CHN2: variants seen among roughly 807,000 people sequenced by gnomAD.
CHN2 encodes beta-chimaerin.
In CHN2, 35 loss-of-function variants were observed where a neutral mutation model predicts 56.3. The ratio of observed to expected loss-of-function variants is 0.62; its 90% confidence interval spans 0.47 to 0.82. The LOEUF (loss-of-function observed/expected upper bound fraction) is 0.82, where lower values mean the gene tolerates loss of function less well. Ranked by LOEUF, CHN2 falls within the 40% of genes least tolerant of loss-of-function variation. The probability of loss-of-function intolerance (pLI) is 0.00; values close to 1 mark genes in which losing one functional copy is unlikely to be tolerated. For missense variants in CHN2, 491 were observed against 580.5 expected (o/e 0.85, Z 1.58); for synonymous variants, 210 against 212.8 (o/e 0.99, Z 0.12).
At chr7:29,388,497 C>T (rs1585232130) in intron 3 of CHN2, among the ~76,000 whole-genome samples, 1 of 2,968 alleles carries the variant, frequency 3.4e-4, no homozygotes, top group Non-Finnish European at 2.1e-3. Flanking sequence ...TATTCATTTA[C>T]TCTTACAACA....
intron 11 of CHN2, among the ~76,000 whole-genome samples, chr7:29,508,229 C>T (rs1489704380): frequency 6.6e-6 from 1 of 151,388 alleles, no homozygotes; most frequent in East Asian, 1.9e-4. Flanking sequence ...CAGTGTTTGG[C>T]ACTTGGGCCC....
intron 2 of CHN2, among the ~76,000 whole-genome samples, chr7:29,362,248 A>G (rs1798792366): frequency 6.6e-6 from 1 of 152,196 alleles, no homozygotes; most frequent in Admixed American, 6.5e-5. Context: ...AATCAAGGCA[A>G]TGAATCTTCA....
At chr7:29,374,166 G>A (rs908810935) in intron 3 of CHN2, among the ~76,000 whole-genome samples, 1 of 151,608 alleles carries the variant, frequency 6.6e-6, no homozygotes, top group Admixed American at 6.6e-5. Flanking sequence ...CCTTAATGCC[G>A]ACACAATCAA....
chr7:29,332,358 A>G (rs763057917), intron 1 of CHN2, among the ~76,000 whole-genome samples: 4 of 152,242 alleles, frequency 2.6e-5, no homozygotes, highest in Non-Finnish European at 5.9e-5. Flanking sequence ...AGAGCACTCT[A>G]AATACAGCTG....
chr7:29,187,369 A>G (rs1562815910), intron 2 of CHN2, among the ~76,000 whole-genome samples: 1 of 150,918 alleles, frequency 6.6e-6, no homozygotes, highest in African/African-American at 2.4e-5. Context: ...GTGTGTGACA[A>G]AGAGAGAGAC....
chr7:29,234,485 AC>A (rs1458575576), intron 1 of CHN2, among the ~76,000 whole-genome samples: 1 of 152,090 alleles, frequency 6.6e-6, no homozygotes, highest in Non-Finnish European at 1.5e-5. Flanking sequence ...CCAGGTTATA[AC>A]TCTTAAGTTT....
intron 2 of CHN2, among the ~76,000 whole-genome samples, chr7:29,159,564 G>A (rs1335918564): frequency 6.6e-6 from 1 of 152,024 alleles, no homozygotes. Context: ...TGATGAAATG[G>A]GGTGGCTAAT....
chr7:29,304,220 T>C (rs1469839326), intron 1 of CHN2, among the ~76,000 whole-genome samples: 2 of 152,210 alleles, frequency 1.3e-5, no homozygotes, highest in Non-Finnish European at 2.9e-5. Flanking sequence ...TTAGTAGAAG[T>C]ACAAGAAGTG....
chr7:29,453,779 C>CTA (rs1241554524), intron 6 of CHN2, among the ~76,000 whole-genome samples: 2 of 152,160 alleles, frequency 1.3e-5, no homozygotes, highest in Admixed American at 6.5e-5. Flanking sequence ...CACTAATGAG[C>CTA]TATAATAAGA....
At chr7:29,236,482 C>G (rs568941675) in intron 1 of CHN2, among the ~76,000 whole-genome samples, 19 of 152,344 alleles carry the variant, frequency 1.2e-4, no homozygotes, top group African/African-American at 4.3e-4. Flanking sequence ...CCTGTGCAGT[C>G]AGTGAAGAGC....
rs1585601882 is a variant in CHN2, at chr7:29,491,174, G to C, written c.655-4778G>C. 3.3e-5 allele frequency among the ~76,000 whole-genome samples: 5 copies of C among 152,022 alleles called. 1 individual carries two copies. The highest frequency in any genetic ancestry group is 1.2e-4 in the African/African-American group (5 of 41,472). ...TGGGTTTCTATTGGCTAGTTTGCTG[G>C]GTATGGCTTTCTTTCTTACATTTCT... On this transcript the variant is annotated intron_variant, in intron 7 of 12. Transcript: ENST00000222792.
intron 3 of CHN2, among the ~76,000 whole-genome samples, chr7:29,392,202 T>C (rs1479495031): frequency 6.6e-6 from 1 of 152,214 alleles, no homozygotes; most frequent in Non-Finnish European, 1.5e-5. Flanking sequence ...TCTAAATTTC[T>C]TCTCTGGCAT....
chr7:29,400,688 A>G lies in CHN2; in HGVS notation c.436A>G (p.Lys146Glu). The G allele has an allele frequency of 6.2e-7, 1 of 1,614,194 alleles. No individual in the cohort carries two copies. Among genetic ancestry groups the G allele is most frequent in the East Asian group, 2.2e-5 (1 of 44,882 alleles). ...AACAAAAGCTGCCGAGTACATTTCA[A>G]AAATGACAACTAACCCCATCTATGA... ...IETKAAEYIS[K>E]MTTNPIYEHI... Residue 146 changes from lysine to glutamate, a missense_variant, in exon 6 of 13, where the codon AAA (lysine) becomes GAA (glutamate). Lys to Glu is a moderately conservative substitution (Grantham distance 56, BLOSUM62 1). Coordinates refer to ENST00000222792, the MANE Select transcript of CHN2 (RefSeq NM_004067.4).
At chr7:29,410,341 CTG>C (rs1803086926) in intron 6 of CHN2, among the ~76,000 whole-genome samples, 1 of 150,732 alleles carries the variant, frequency 6.6e-6, no homozygotes, top group Non-Finnish European at 1.5e-5. Context: ...TGGTTTTTGG[CTG>C]TGAGTAAAAT....
At chr7:29,183,897 A>G (rs1798376317) in intron 2 of CHN2, among the ~76,000 whole-genome samples, 1 of 152,204 alleles carries the variant, frequency 6.6e-6, no homozygotes, top group Non-Finnish European at 1.5e-5. Flanking sequence ...ACAAACAACA[A>G]TTAAAAATGA....
At chr7:29,168,973 A>C (rs1324135911) in intron 2 of CHN2, among the ~76,000 whole-genome samples, 3 of 152,200 alleles carry the variant, frequency 2.0e-5, no homozygotes, top group Non-Finnish European at 4.4e-5. Context: ...ATGTATAATA[A>C]ATTCTATTTG....
chr7:29,149,280 C>T (rs1793247088), intron 2 of CHN2, among the ~76,000 whole-genome samples: 1 of 150,774 alleles, frequency 6.6e-6, no homozygotes, highest in Admixed American at 6.6e-5. Context: ...GCAACCTCCA[C>T]CTCCCGGGTT....
chr7:29,477,564 A>G (rs7798590), intron 6 of CHN2, among the ~76,000 whole-genome samples: 47,501 of 152,114 alleles, frequency 0.31, 7,721 homozygotes, highest in African/African-American at 0.38. Context: ...TCGCTTTGCT[A>G]GCAGTGAAGG....
At chr7:29,363,752 TC>T in intron 2 of CHN2, among the ~76,000 whole-genome samples, 1 of 152,050 alleles carries the variant, frequency 6.6e-6, no homozygotes, top group Non-Finnish European at 1.5e-5. Flanking sequence ...AGGGAAGGCC[TC>T]CCTGATAAGG....
Sources: gnomAD v4.1 joint callset for allele counts (sites outside exome capture counted in the v4.1 genomes callset) on GRCh38, gnomAD v4.1.1 for gene constraint, MANE v1.5 for transcripts, NCBI Gene and HGNC (gene_info 2026-07-23, HGNC 2026-07-21) for gene names.